The following MFSD1 variants were observed in gnomAD, a reference collection of about 807,000 sequenced individuals.
MFSD1 encodes lysosomal dipeptide transporter MFSD1.
Under a neutral mutation model 67.1 loss-of-function variants are expected in MFSD1, and 59 were observed. That is an observed-to-expected ratio of 0.88 (90% CI 0.71 to 1.09). The LOEUF (loss-of-function observed/expected upper bound fraction) is 1.09. Among genes scored for constraint, MFSD1 ranks in the 50% least tolerant of loss-of-function variants. The pLI, the probability that MFSD1 is intolerant of heterozygous loss-of-function variation, is 0.00. For missense variants in MFSD1, 552 were observed against 566.1 expected, an observed-to-expected ratio of 0.97 and a Z score of 0.25; for synonymous variants, 213 against 200.3, an observed-to-expected ratio of 1.06 and a Z score of -0.54.
chr3:158,817,789 C>T (rs1391371844), intron 7 of MFSD1, among the ~76,000 whole-genome samples: 2 of 152,120 alleles, frequency 1.3e-5, no homozygotes, highest in Non-Finnish European at 2.9e-5. Context: ...CCCGCATCGC[C>T]AAGTCAATCC....
chr3:158,807,140 A>C, intron 4 of MFSD1, 58 bp downstream of exon 4: 1 of 1,462,936 alleles, frequency 6.8e-7, no homozygotes, highest in Non-Finnish European at 9.5e-7. Context: ...TTCTTATCTA[A>C]TTAATTCCAT....
Position 158,829,065 on chromosome 3 carries a change from G to A in MFSD1, c.*83G>A. On this transcript the variant is annotated 3_prime_UTR_variant, in exon 16 of 16. Transcript: ENST00000415822. The stretch of plus-strand genomic sequence containing the variant: ...TCCATTTTTAAAAATTTAGAGTTTA[G>A]TCATTAGAAAAAATAATGGACTGGA... The A allele has an allele frequency of 7.8e-7, 1 of 1,283,190 alleles. No homozygotes were observed. The highest frequency in any genetic ancestry group is 1.5e-5 in the African/African-American group (1 of 66,254). The allele number at this position is 1,283,190 out of a possible 1,614,324, so 79.5% of individuals were successfully genotyped here.
Position 158,802,166 on chromosome 3 carries a change from A to T in MFSD1, c.14A>T (p.Asp5Val). 6.2e-7 allele frequency: 1 copy of T among 1,612,670 alleles called. No homozygotes were observed. Among genetic ancestry groups the T allele is most frequent in the Non-Finnish European group, 8.5e-7 (1 of 1,179,666 alleles). The change falls in exon 1 of 16, where the codon GAT becomes GTT. Residue 5 changes from aspartate to valine, a missense_variant. Asp to Val is a radical substitution (Grantham distance 152, BLOSUM62 -3). Coordinates refer to ENST00000415822, the MANE Select transcript of MFSD1 (RefSeq NM_022736.4). The stretch of plus-strand genomic sequence containing the variant: ...CCTGCGGGCGCAATGGAGGAGGAGG[A>T]TGAGGAAGCGCGGGCGCTCCTGGCA... MEEE[D>V]EEARALLAGG...
intron 5 of MFSD1, 113 bp downstream of exon 5, chr3:158,807,576 C>A (rs1022532160): frequency 2.3e-6 from 2 of 853,364 alleles, no homozygotes; most frequent in Admixed American, 2.3e-5. Context: ...ATCTTTGAAA[C>A]CTAGCTTCAT....
At chr3:158,804,469 C>A in intron 2 of MFSD1, 98 bp downstream of exon 2, 2 of 876,592 alleles carry the variant, frequency 2.3e-6, no homozygotes, top group East Asian at 2.5e-5. Flanking sequence ...CTCACGTGTC[C>A]GCTGAATCTA....
chr3:158,803,009 G>A (rs1440427763), intron 1 of MFSD1, among the ~76,000 whole-genome samples: 1 of 152,174 alleles, frequency 6.6e-6, no homozygotes, highest in Non-Finnish European at 1.5e-5. Context: ...GATAGCTTCA[G>A]TGAATAGATA....
chr3:158,825,966 A>G (rs1730943977), intron 13 of MFSD1, 49 bp from the exon 14 acceptor site: 2 of 1,433,410 alleles, frequency 1.4e-6, no homozygotes, highest in South Asian at 1.1e-5. Flanking sequence ...CATAGGAATC[A>G]TTGAGAAGAA....
At chr3:158,811,169 T>TG (rs1320490604) in intron 6 of MFSD1, among the ~76,000 whole-genome samples, 1 of 152,136 alleles carries the variant, frequency 6.6e-6, no homozygotes, top group Non-Finnish European at 1.5e-5. Flanking sequence ...ATGTAGAGTG[T>TG]GGGGGAAAAA....
chr3:158,805,401 G>A lies in MFSD1; in HGVS notation c.256G>A (p.Ala86Thr). ...TACCACGAAATTCATGCTGCTGTAT[G>A]CCTGGTATTCTTGGCCCAATGTAGT... ...VNTTKFMLLY[A>T]WYSWPNVVLC... Residue 86 changes from alanine (A) to threonine (T), a missense_variant, in exon 3 of 16, where the codon GCC becomes ACC. Ala to Thr is a moderately conservative substitution (Grantham distance 58). Coordinates refer to ENST00000415822, the MANE Select transcript of MFSD1 (RefSeq NM_022736.4). 6.2e-7 allele frequency: 1 copy of A among 1,614,082 alleles called. No individual in the cohort carries two copies. The highest frequency in any genetic ancestry group is 1.3e-5 in the African/African-American group (1 of 75,052).
At chr3:158,825,967 T>G (rs761485333) in intron 13 of MFSD1, 48 bp from the exon 14 acceptor site, 1 of 1,442,948 alleles carries the variant, frequency 6.9e-7, no homozygotes, top group Admixed American at 1.7e-5. Flanking sequence ...ATAGGAATCA[T>G]TGAGAAGAAA....
chr3:158,811,555 C>T (rs1730020183), intron 6 of MFSD1, among the ~76,000 whole-genome samples: 1 of 152,074 alleles, frequency 6.6e-6, no homozygotes, highest in Non-Finnish European at 1.5e-5. Context: ...CCCACATTTG[C>T]AGGTTGAGAA....
chr3:158,808,799 A>G (rs929997466), intron 5 of MFSD1, among the ~76,000 whole-genome samples: 29 of 152,126 alleles, frequency 1.9e-4, no homozygotes, highest in African/African-American at 6.3e-4. Flanking sequence ...GATCATCTGA[A>G]AGCTTATTGA....
At chr3:158,827,826 G>A (rs1731063527) in intron 15 of MFSD1, among the ~76,000 whole-genome samples, 2 of 151,120 alleles carry the variant, frequency 1.3e-5, no homozygotes, top group African/African-American at 4.9e-5. Flanking sequence ...ATTTAAAAAT[G>A]GATATTAAGG....
rs553062834 is a variant in MFSD1, at chr3:158,822,146, G to A, written c.1077+6G>A. ...GGAACCCTTGGATTGCTATGGTAACGTCTGTGTTAGCCCATGGTGGGGTCA... is the reference window on the plus strand; with the variant it reads ...GGAACCCTTGGATTGCTATGGTAACATCTGTGTTAGCCCATGGTGGGGTCA... On this transcript the variant is annotated splice_donor_region_variant and intron_variant, in intron 11 of 15. Coordinates refer to ENST00000415822, the MANE Select transcript of MFSD1 (RefSeq NM_022736.4). The A allele has an allele frequency of 1.2e-5, 20 of 1,606,968 alleles. No homozygotes were observed. In the African/African-American group the frequency reaches 1.6e-4, roughly 13 times the overall value.
chr3:158,823,622 C>G, intron 12 of MFSD1, 97 bp downstream of exon 12: 1 of 928,940 alleles, frequency 1.1e-6, no homozygotes, highest in East Asian at 2.4e-5. Flanking sequence ...GTCATCCAGC[C>G]TCTGGGGTAG....
intron 4 of MFSD1, 137 bp from the exon 5 acceptor site, chr3:158,807,259 T>C: frequency 1.1e-6 from 1 of 925,956 alleles, no homozygotes; most frequent in Non-Finnish European, 1.7e-6. Flanking sequence ...TGAACATTAA[T>C]ATTTTAACTT....
At chr3:158,828,350 C>A (rs1303346892) in intron 15 of MFSD1, among the ~76,000 whole-genome samples, 9 of 151,980 alleles carry the variant, frequency 5.9e-5, no homozygotes, top group African/African-American at 2.2e-4. Flanking sequence ...AGGTTAAAAT[C>A]TGGTAGAACA....
intron 7 of MFSD1, among the ~76,000 whole-genome samples, chr3:158,818,546 T>C (rs1730500204): frequency 6.6e-6 from 1 of 152,164 alleles, no homozygotes; most frequent in African/African-American, 2.4e-5. Flanking sequence ...ACCACTGATC[T>C]ACTCACTACT....
At chr3:158,804,401 T>C (rs79796809) in intron 2 of MFSD1, 30 bp downstream of exon 2, 19,750 of 1,594,796 alleles carry the variant, frequency 0.012, 175 homozygotes, top group South Asian at 0.019. Context: ...TTGTTTCTTT[T>C]GTTTTCTTTA....
Sources: allele counts gnomAD v4.1 joint callset (sites outside exome capture counted in the v4.1 genomes callset), GRCh38; gene constraint gnomAD v4.1.1; transcripts MANE v1.5; gene names NCBI Gene and HGNC (gene_info 2026-07-23, HGNC 2026-07-21).